LEPR: variants seen among roughly 807,000 people sequenced by gnomAD.
LEPR encodes the protein OB receptor.
LEPR carries 56 observed loss-of-function variants against 114.7 expected under a neutral mutation model. The ratio of observed to expected loss-of-function variants is 0.49; its 90% CI spans 0.39 to 0.61. The LOEUF (loss-of-function observed/expected upper bound fraction) is 0.61, where lower values mean the gene tolerates loss of function less well. LEPR is among the 20% of genes least tolerant of loss of function. The pLI is 0.00. For missense variants in LEPR, 1,202 were observed against 1,352.9 expected (o/e 0.89, Z 1.75); for synonymous variants, 443 against 461.4 (o/e 0.96, Z 0.51).
At chr1:65,497,377 C>A (rs1402721541) in intron 2 of LEPR, among the ~76,000 whole-genome samples, 4 of 152,052 alleles carry the variant, frequency 2.6e-5, no homozygotes, top group African/African-American at 9.7e-5. Flanking sequence ...GTTTCTTATT[C>A]CACATGACAG....
intron 2 of LEPR, among the ~76,000 whole-genome samples, chr1:65,460,065 T>TC (rs1646925521): frequency 6.6e-6 from 1 of 152,132 alleles, no homozygotes; most frequent in African/African-American, 2.4e-5. Flanking sequence ...TCCTTTTTTT[T>TC]TTTTTTACTA....
chr1:65,527,705 G>A (rs1420944435), intron 2 of LEPR, among the ~76,000 whole-genome samples: 1 of 152,152 alleles, frequency 6.6e-6, no homozygotes, highest in Non-Finnish European at 1.5e-5. Flanking sequence ...TCTTTTATGA[G>A]TACATTTTAA....
chr1:65,634,186 A>G, intron 19 of LEPR: 1 of 984,040 alleles, frequency 1.0e-6, no homozygotes, highest in Non-Finnish European at 1.2e-6. Flanking sequence ...ACTATGTTTA[A>G]TGAACTCAGT....
intron 2 of LEPR, chr1:65,429,930 G>A (rs1646453681): frequency 1.3e-6 from 2 of 1,556,574 alleles, no homozygotes; most frequent in African/African-American, 2.7e-5. Context: ...ATTGCCAAAA[G>A]AGTCACCTAT....
chr1:65,447,340 T>C (rs1646726177), intron 2 of LEPR, among the ~76,000 whole-genome samples: 1 of 152,120 alleles, frequency 6.6e-6, no homozygotes, highest in African/African-American at 2.4e-5. Flanking sequence ...AATCCAATTA[T>C]TCCAGCACCA....
chr1:65,564,288 A>T (rs1446219329), intron 2 of LEPR, among the ~76,000 whole-genome samples: 3 of 147,848 alleles, frequency 2.0e-5, no homozygotes, highest in Non-Finnish European at 4.5e-5. Context: ...AGAAAAGCGC[A>T]GTATTCGGGT....
intron 2 of LEPR, among the ~76,000 whole-genome samples, chr1:65,463,149 A>C (rs1283127704): frequency 6.6e-6 from 1 of 152,142 alleles, no homozygotes; most frequent in Non-Finnish European, 1.5e-5. Context: ...TAAGTCTTTA[A>C]TCCATCTTGA....
chr1:65,432,146 C>T, intron 2 of LEPR: 1 of 1,208,786 alleles, frequency 8.3e-7, no homozygotes, highest in Non-Finnish European at 1.0e-6. Context: ...ACTTGTTTGG[C>T]TGTTCATGTA....
intron 2 of LEPR, among the ~76,000 whole-genome samples, chr1:65,454,399 A>G (rs577974085): frequency 2.6e-5 from 4 of 152,116 alleles, no homozygotes; most frequent in Admixed American, 6.5e-5. Flanking sequence ...ACATTTTGGC[A>G]TGATTTTGCA....
intron 2 of LEPR, among the ~76,000 whole-genome samples, chr1:65,438,618 G>T (rs1349487235): frequency 3.3e-5 from 5 of 151,482 alleles, no homozygotes; most frequent in Non-Finnish European, 5.9e-5. Flanking sequence ...AATACAGTGG[G>T]TATAGATTCA....
chr1:65,586,225 T>C (rs1168895026), intron 5 of LEPR, among the ~76,000 whole-genome samples: 1 of 151,526 alleles, frequency 6.6e-6, no homozygotes, highest in East Asian at 1.9e-4. Flanking sequence ...ATCTCAGTTT[T>C]CTTACCTGTA....
intron 1 of LEPR, among the ~76,000 whole-genome samples, chr1:65,424,975 G>A (rs1016049797): frequency 2.6e-5 from 4 of 152,106 alleles, no homozygotes; most frequent in Admixed American, 6.5e-5. Context: ...AGTCTGTAAC[G>A]GGTCAAATGT....
intron 2 of LEPR, chr1:65,430,029 T>A: frequency 1.3e-6 from 2 of 1,560,914 alleles, no homozygotes; most frequent in African/African-American, 1.3e-5. Flanking sequence ...TTTCCTGTTA[T>A]TCTTGCTCGT....
Position 65,439,872 on chromosome 1 carries a change from G to A in LEPR, c.-21+14494G>A, listed in dbSNP as rs374246780. On this transcript the variant is annotated intron_variant, in intron 2 of 19. Transcript: ENST00000349533. The stretch of plus-strand genomic sequence containing the variant: ...AAGCTGGGCGCAGTGGCGTGTGCCT[G>A]TAATCCCAGCTCCTAGCTACTCAGG... 1.2e-4 allele frequency among the ~76,000 whole-genome samples: 18 copies of A among 148,354 alleles called. No homozygotes were observed. The East Asian group carries it at 2.2e-3, about 18-fold the overall frequency.
At chr1:65,563,883 A>G (rs879889568) in intron 2 of LEPR, among the ~76,000 whole-genome samples, 903 of 135,580 alleles carry the variant, frequency 6.7e-3, no homozygotes, top group African/African-American at 0.011. Flanking sequence ...AGGGGTCAGG[A>G]ACCCACTTGA....
At chr1:65,607,121 T>G (rs771716064) in intron 11 of LEPR, among the ~76,000 whole-genome samples, 3 of 152,174 alleles carry the variant, frequency 2.0e-5, no homozygotes, top group Non-Finnish European at 4.4e-5. Flanking sequence ...TGGAACTCTA[T>G]CGTCAGTTCT....
chr1:65,619,750 A>G lies in LEPR; in HGVS notation c.2396-178A>G, dbSNP rs3790437. Among the ~76,000 whole-genome samples the G allele has an allele frequency of 0.18, 26,884 of 152,180 alleles. 2,535 individuals are homozygous for G. The highest frequency in any genetic ancestry group is 0.24 in the Middle Eastern group (72 of 294). On this transcript the variant is annotated intron_variant, in intron 16 of 19. Coordinates refer to ENST00000349533, the MANE Select transcript of LEPR (RefSeq NM_002303.6). Reference sequence around the variant, plus strand: ...TTTGGAAAACTATTGTCATGACTAGATAATTAGAAGTGCTTAAGTTTGTTT... The same window carrying G: ...TTTGGAAAACTATTGTCATGACTAGGTAATTAGAAGTGCTTAAGTTTGTTT...
chr1:65,598,580 A>G, intron 7 of LEPR, 80 bp from the exon 8 acceptor site: 3 of 1,578,232 alleles, frequency 1.9e-6, no homozygotes, highest in Middle Eastern at 2.3e-4. Flanking sequence ...TTGAAATTTG[A>G]TGAGATTAGC....
chr1:65,549,906 C>T (rs1652156606), intron 2 of LEPR, among the ~76,000 whole-genome samples: 1 of 152,138 alleles, frequency 6.6e-6, no homozygotes, highest in African/African-American at 2.4e-5. Context: ...TTAGAGTTTC[C>T]AGTTTTTCTG....
Sources: gnomAD v4.1 joint callset for allele counts (sites outside exome capture counted in the v4.1 genomes callset) on GRCh38, gnomAD v4.1.1 for gene constraint, MANE v1.5 for transcripts, NCBI Gene and HGNC (gene_info 2026-07-23, HGNC 2026-07-21) for gene names.